The following GRIK4 variants were observed in gnomAD, a reference collection of about 807,000 sequenced individuals.
GRIK4 encodes the protein glutamate receptor ionotropic, kainate 4.
GRIK4 carries 40 observed loss-of-function variants against 104.9 expected under a neutral mutation model. That is an observed-to-expected ratio of 0.38 (90% CI 0.30 to 0.50). The LOEUF (loss-of-function observed/expected upper bound fraction) is 0.50, where lower values mean the gene tolerates loss of function less well. GRIK4 is among the 20% of genes least tolerant of loss of function. GRIK4 has a pLI of 0.93. For missense variants in GRIK4, 1,047 were observed against 1,308.1 expected, an observed-to-expected ratio of 0.80 and a Z score of 3.08; for synonymous variants, 485 against 524.9, an observed-to-expected ratio of 0.92 and a Z score of 1.04.
At chr11:120,647,832 A>G (rs1949563542) in intron 1 of GRIK4, among the ~76,000 whole-genome samples, 1 of 152,136 alleles carries the variant, frequency 6.6e-6, no homozygotes, top group African/African-American at 2.4e-5. Context: ...ACACAAGGAC[A>G]TCCTACTTCT....
chr11:120,662,055 C>T (rs182371661), intron 3 of GRIK4, among the ~76,000 whole-genome samples: 8 of 152,314 alleles, frequency 5.3e-5, no homozygotes, highest in African/African-American at 1.2e-4. Flanking sequence ...TTCCATTTGT[C>T]GCTAATGGGA....
chr11:120,760,083 G>A (rs1489392830), intron 3 of GRIK4, among the ~76,000 whole-genome samples: 3 of 151,686 alleles, frequency 2.0e-5, no homozygotes, highest in South Asian at 2.1e-4. Flanking sequence ...GTCTCTAAAC[G>A]TGTTCATCCT....
intron 9 of GRIK4, chr11:120,871,613 A>G (rs771829019): frequency 2.2e-6 from 1 of 456,264 alleles, no homozygotes; most frequent in Non-Finnish European, 4.4e-6. Flanking sequence ...CAAGGGACAG[A>G]CAGGAAGGGA....
intron 2 of GRIK4, among the ~76,000 whole-genome samples, chr11:120,654,524 G>A (rs773429162): frequency 1.8e-4 from 27 of 152,100 alleles, no homozygotes; most frequent in African/African-American, 5.8e-4. Flanking sequence ...CATCACACCC[G>A]GCTAACTTTT....
chr11:120,731,289 G>T, intron 3 of GRIK4, among the ~76,000 whole-genome samples: 1 of 149,938 alleles, frequency 6.7e-6, no homozygotes, highest in African/African-American at 2.5e-5. Context: ...AAAGGATGTT[G>T]AATTTTATCA....
chr11:120,683,928 G>A (rs1418909124), intron 3 of GRIK4, among the ~76,000 whole-genome samples: 1 of 152,248 alleles, frequency 6.6e-6, no homozygotes, highest in Non-Finnish European at 1.5e-5. Flanking sequence ...CCCTAGCAAT[G>A]TGTTGGAAGA....
intron 13 of GRIK4, among the ~76,000 whole-genome samples, chr11:120,915,317 G>T (rs931907242): frequency 1.6e-4 from 24 of 152,194 alleles, no homozygotes; most frequent in Admixed American, 1.3e-3. Context: ...GTTCCCAAAA[G>T]GTTCTTTTCT....
At chr11:120,984,286 T>C (rs1178872218) in intron 20 of GRIK4, among the ~76,000 whole-genome samples, 2 of 152,190 alleles carry the variant, frequency 1.3e-5, no homozygotes, top group African/African-American at 2.4e-5. Context: ...TGCTCCCATA[T>C]GGTCTAGGAA....
At chr11:120,897,712 A>C (rs547815355) in intron 11 of GRIK4, among the ~76,000 whole-genome samples, 49 of 152,002 alleles carry the variant, frequency 3.2e-4, no homozygotes, top group African/African-American at 1.1e-3. Context: ...GAGAAAACGA[A>C]AGACAACGTG....
chr11:120,518,967 G>T (rs1268699105), intron 1 of GRIK4, among the ~76,000 whole-genome samples: 2 of 152,200 alleles, frequency 1.3e-5, no homozygotes, highest in Admixed American at 1.3e-4. Flanking sequence ...AGGAGCGAAA[G>T]TGCTGGAAAA....
intron 1 of GRIK4, among the ~76,000 whole-genome samples, chr11:120,583,232 A>G (rs563220212): frequency 2.0e-4 from 31 of 152,300 alleles, no homozygotes; most frequent in Admixed American, 1.8e-3. Flanking sequence ...TAAGTTCCTT[A>G]TAGATTCTGG....
intron 3 of GRIK4, among the ~76,000 whole-genome samples, chr11:120,727,441 A>C (rs755906099): frequency 5.9e-5 from 9 of 152,200 alleles, no homozygotes; most frequent in Non-Finnish European, 8.8e-5. Context: ...AGCTCTGTGA[A>C]ATTAGAAAGG....
chr11:120,599,865 A>C (rs761491715), intron 1 of GRIK4, among the ~76,000 whole-genome samples: 2 of 152,230 alleles, frequency 1.3e-5, no homozygotes, highest in Non-Finnish European at 2.9e-5. Context: ...CAAACTCAGC[A>C]CAAGGGAACC....
At chr11:120,866,702 G>A (rs746768144) in intron 9 of GRIK4, among the ~76,000 whole-genome samples, 20 of 152,136 alleles carry the variant, frequency 1.3e-4, no homozygotes, top group Non-Finnish European at 2.1e-4. Flanking sequence ...CATGCGAGGA[G>A]CATCCATGTG....
intron 1 of GRIK4, among the ~76,000 whole-genome samples, chr11:120,645,717 T>C (rs1949534610): frequency 6.6e-6 from 1 of 152,180 alleles, no homozygotes. Context: ...GGAAGCACCT[T>C]TCTTCTGTGG....
chr11:120,575,804 A>C (rs945313307), intron 1 of GRIK4: 13 of 152,282 alleles, frequency 8.5e-5, no homozygotes, highest in African/African-American at 3.1e-4. Flanking sequence ...GGAGCGCTTG[A>C]GGACGATCCA....
intron 3 of GRIK4, among the ~76,000 whole-genome samples, chr11:120,737,911 T>C (rs756729240): frequency 6.6e-6 from 1 of 152,224 alleles, no homozygotes; most frequent in Non-Finnish European, 1.5e-5. Context: ...TCTGTATCTA[T>C]GTTTTATTTT....
intron 1 of GRIK4, among the ~76,000 whole-genome samples, chr11:120,512,334 C>G (rs185672757): frequency 6.6e-6 from 1 of 151,820 alleles, no homozygotes; most frequent in Non-Finnish European, 1.5e-5. Flanking sequence ...CGTCACCCTC[C>G]GCTTCTCCCA....
intron 14 of GRIK4, among the ~76,000 whole-genome samples, chr11:120,946,263 C>T (rs1200517081): frequency 6.6e-6 from 1 of 152,212 alleles, no homozygotes; most frequent in East Asian, 1.9e-4. Flanking sequence ...ATTCCTCAAG[C>T]ACACCCCGAC....
Sources: allele counts gnomAD v4.1 joint callset (sites outside exome capture counted in the v4.1 genomes callset), GRCh38; gene constraint gnomAD v4.1.1; transcripts MANE v1.5; gene names NCBI Gene and HGNC (gene_info 2026-07-23, HGNC 2026-07-21).